Variants in AVEN observed in about 807,000 individuals in gnomAD.
AVEN encodes apoptosis and caspase activation inhibitor, also known as cell death regulator Aven.
Under a neutral mutation model 38.1 loss-of-function variants are expected in AVEN, and 41 were observed. The observed-to-expected ratio is 1.08, with a 90% confidence interval of 0.84 to 1.40. AVEN has a LOEUF of 1.40. AVEN is among the 40% of genes most tolerant of loss of function. AVEN has a pLI of 0.00. For synonymous variants in AVEN, 206 were observed against 171.8 expected (o/e 1.20, Z -1.56); for missense variants, 605 against 438.8 (o/e 1.38, Z -3.38).
intron 2 of AVEN, among the ~76,000 whole-genome samples, chr15:33,878,355 C>T (rs958638043): frequency 3.3e-5 from 5 of 151,982 alleles, no homozygotes; most frequent in Admixed American, 1.3e-4. Context: ...GAAACAGCCC[C>T]AGGTATATGG....
At chr15:34,004,044 C>T (rs1319777181) in intron 1 of AVEN, among the ~76,000 whole-genome samples, 3 of 152,186 alleles carry the variant, frequency 2.0e-5, no homozygotes, top group Admixed American at 2.0e-4. Flanking sequence ...TCTCCAGGCT[C>T]AATTTCTACA....
intron 1 of AVEN, among the ~76,000 whole-genome samples, chr15:34,027,725 C>T (rs1454824527): frequency 6.6e-6 from 1 of 151,444 alleles, no homozygotes; most frequent in Non-Finnish European, 1.5e-5. Flanking sequence ...AGACTCATTT[C>T]ACTCTGTGCA....
upstream of AVEN, chr15:34,039,222 G>T (rs1341406481): frequency 7.1e-6 from 3 of 424,130 alleles, no homozygotes; most frequent in Non-Finnish European, 9.6e-6. Context: ...GGCGGGGCGG[G>T]GCGGCCGGCG....
chr15:34,031,168 A>ATTTT (rs34414446), intron 1 of AVEN, among the ~76,000 whole-genome samples: 11,647 of 67,466 alleles, frequency 0.17, 1,593 homozygotes, highest in East Asian at 0.34. Context: ...GCTTAGGTTA[A>ATTTT]TTTTTTTTTT....
chr15:33,859,690 T>G, intron 11 of AVEN: 1 of 1,613,438 alleles, frequency 6.2e-7, no homozygotes, highest in Non-Finnish European at 8.5e-7. Context: ...GACATTACCT[T>G]TTTCTTCTTC....
In AVEN at chr15:33,876,335, G is replaced by A. The variant is rs570789702; in HGVS notation, c.446-340C>T. 4.7e-4 allele frequency among the ~76,000 whole-genome samples: 71 copies of A among 152,330 alleles called. 2 individuals carry two copies. Among genetic ancestry groups the A allele is most frequent in the African/African-American group, 1.7e-3 (69 of 41,568 alleles). ...ACCTGTAATCCCAGCACTTTGGGAG[G>A]CTGAGGCGGGTGGATTACTTGAGGT... On this transcript the variant is annotated intron_variant, in intron 2 of 5. Coordinates refer to ENST00000306730, the MANE Select transcript of AVEN (RefSeq NM_020371.3).
At chr15:33,880,251 T>C (rs1013703532) in intron 2 of AVEN, among the ~76,000 whole-genome samples, 7 of 152,144 alleles carry the variant, frequency 4.6e-5, no homozygotes, top group Non-Finnish European at 1.0e-4. Flanking sequence ...CAGTGAGGAC[T>C]TGGATGAAAT....
intron 2 of AVEN, among the ~76,000 whole-genome samples, chr15:33,995,478 G>T (rs1896895780): frequency 6.6e-6 from 1 of 152,214 alleles, no homozygotes; most frequent in Non-Finnish European, 1.5e-5. Flanking sequence ...CAGAGACTTA[G>T]CATTCCTAGA....
intron 1 of AVEN, among the ~76,000 whole-genome samples, chr15:34,031,295 C>T (rs1898801321): frequency 6.6e-6 from 1 of 150,516 alleles, no homozygotes; most frequent in African/African-American, 2.4e-5. Context: ...CTGTCTCAGC[C>T]TCCCGAGTAG....
At chr15:34,040,611 CAG>C (rs1212242029), upstream of AVEN, among the ~76,000 whole-genome samples, 3 of 152,270 alleles carry the variant, frequency 2.0e-5, no homozygotes, top group South Asian at 4.1e-4. Flanking sequence ...GAATCTAAAA[CAG>C]ATGTTAAGTA....
At chr15:33,887,719 G>T (rs190049916) in intron 2 of AVEN, among the ~76,000 whole-genome samples, 1 of 152,016 alleles carries the variant, frequency 6.6e-6, no homozygotes, top group Non-Finnish European at 1.5e-5. Context: ...TTTCCTCAAG[G>T]ACTTAGAGGG....
At chr15:34,050,494 C>T (rs1341982182) in intron 5 of AVEN, among the ~76,000 whole-genome samples, 1 of 152,180 alleles carries the variant, frequency 6.6e-6, no homozygotes, top group Non-Finnish European at 1.5e-5. Flanking sequence ...CAAATTCACA[C>T]ATAACCATAC....
At chr15:33,875,017 G>A (rs985210584) in intron 3 of AVEN, among the ~76,000 whole-genome samples, 4 of 152,308 alleles carry the variant, frequency 2.6e-5, no homozygotes, top group African/African-American at 9.6e-5. Flanking sequence ...CACGTTCTTT[G>A]TAAAGTGCCA....
chr15:33,879,216 G>A (rs919870980), intron 2 of AVEN, among the ~76,000 whole-genome samples: 1 of 151,598 alleles, frequency 6.6e-6, no homozygotes, highest in Non-Finnish European at 1.5e-5. Context: ...GGAATACTAT[G>A]CAGCCATAAA....
intron 2 of AVEN, among the ~76,000 whole-genome samples, chr15:33,973,373 G>T (rs2140501584): frequency 6.6e-6 from 1 of 152,268 alleles, no homozygotes; most frequent in Non-Finnish European, 1.5e-5. Flanking sequence ...ATATAACATA[G>T]TACAACTCTT....
chr15:34,002,982 T>G (rs775704925), intron 2 of AVEN, 50 bp downstream of exon 2: 8 of 1,443,516 alleles, frequency 5.5e-6, no homozygotes, highest in Non-Finnish European at 7.5e-6. Context: ...ATAAAATGTC[T>G]GTGCAACTTT....
At chr15:34,009,968 GA>G (rs930073277) in intron 1 of AVEN, among the ~76,000 whole-genome samples, 2 of 151,008 alleles carry the variant, frequency 1.3e-5, no homozygotes, top group Non-Finnish European at 3.0e-5. Context: ...TCTCTTAAAA[GA>G]AAAAAAAGAA....
chr15:33,861,080 T>C (rs775468632), intron 11 of AVEN: 2 of 1,581,722 alleles, frequency 1.3e-6, no homozygotes, highest in Non-Finnish European at 1.7e-6. Flanking sequence ...TTTCTTAGAC[T>C]AAATGTTTCA....
At chr15:34,007,815 G>A (rs1897423777) in intron 1 of AVEN, among the ~76,000 whole-genome samples, 1 of 152,166 alleles carries the variant, frequency 6.6e-6, no homozygotes, top group Non-Finnish European at 1.5e-5. Context: ...TGGAAGTTCT[G>A]AGGGAGAATC....
Sources: gnomAD v4.1 joint callset for allele counts (sites outside exome capture counted in the v4.1 genomes callset) on GRCh38, gnomAD v4.1.1 for gene constraint, MANE v1.5 for transcripts, NCBI Gene and HGNC (gene_info 2026-07-23, HGNC 2026-07-21) for gene names.